The following ARHGAP23 variants were observed in gnomAD, a reference collection of about 807,000 sequenced individuals.
ARHGAP23 encodes the protein Rho GTPase activating protein 23.
A neutral mutation model predicts 136.3 loss-of-function variants in ARHGAP23; 34 were observed. The observed-to-expected ratio is 0.25, with a 90% CI of 0.19 to 0.33. The LOEUF is 0.33. Ranked by LOEUF, ARHGAP23 falls within the 10% of genes least tolerant of loss-of-function variation. The pLI, the probability that ARHGAP23 is intolerant of heterozygous loss-of-function variation, is 1.00. For synonymous variants in ARHGAP23, 832 were observed against 920.5 expected, an observed-to-expected ratio of 0.90 and a Z score of 1.74; for missense variants, 1,808 against 2,139.0, an observed-to-expected ratio of 0.85 and a Z score of 3.05.
intron 1 of ARHGAP23, among the ~76,000 whole-genome samples, chr17:38,438,042 G>T (rs1483002184): frequency 6.6e-6 from 1 of 152,204 alleles, no homozygotes; most frequent in African/African-American, 2.4e-5. Flanking sequence ...GTTTGCTAGG[G>T]CCAGGCACGG....
intron 23 of ARHGAP23, among the ~76,000 whole-genome samples, chr17:38,504,474 C>T (rs1173546051): frequency 6.6e-6 from 1 of 152,198 alleles, no homozygotes; most frequent in Non-Finnish European, 1.5e-5. Flanking sequence ...AGGCTGTGAG[C>T]TCTGAGGGTG....
At position 38,510,371 on chromosome 17, in the gene ARHGAP23, C is replaced by A. The variant is rs1370612963; in HGVS notation, c.3875C>A (p.Ala1292Glu). Residue 1292 changes from alanine (A) to glutamate (E), a missense_variant, in exon 24 of 24, where the codon GCG (alanine) becomes GAG (glutamate). Coordinates refer to ENST00000622683, the MANE Select transcript of ARHGAP23 (RefSeq NM_001199417.2). This position sits in a 1 kb window ranked among gnomAD's most constrained non-coding sequence, Gnocchi z 4.6. ...LSHVETDTEG[A>E]AGAGPGGRLT... is the part of the protein sequence containing the mutation. ...CACGTGGAGACGGACACTGAGGGCG[C>A]GGCGGGCGCGGGGCCTGGGGGGCGC... is the stretch of plus-strand genomic sequence containing the variant. The A allele has an allele frequency of 8.0e-7, 1 of 1,246,948 alleles. No homozygotes were observed. Among genetic ancestry groups the A allele is most frequent in the Non-Finnish European group, 1.0e-6 (1 of 996,462 alleles). 77.2% of individuals were successfully genotyped at this position (1,246,948 alleles called of 1,614,324 possible).
chr17:38,420,378 C>A (rs2038508648), intron 1 of ARHGAP23, among the ~76,000 whole-genome samples: 1 of 152,212 alleles, frequency 6.6e-6, no homozygotes, highest in Admixed American at 6.5e-5. Context: ...ATTTGGGACA[C>A]ACCTTTCAGT....
upstream of ARHGAP23, among the ~76,000 whole-genome samples, chr17:38,428,227 G>C (rs1222721718): frequency 2.0e-5 from 3 of 152,174 alleles, no homozygotes; most frequent in South Asian, 2.1e-4. Flanking sequence ...TCTTCGCCAG[G>C]CTGGGCTCTG....
At chr17:38,436,162 C>T (rs12949691) in intron 1 of ARHGAP23, among the ~76,000 whole-genome samples, 37,368 of 151,920 alleles carry the variant, frequency 0.25, 5,107 homozygotes, top group East Asian at 0.39. Flanking sequence ...AGGAGATGGT[C>T]GGGGGGATGT....
At chr17:38,507,630 G>A (rs1409669535) in intron 23 of ARHGAP23, among the ~76,000 whole-genome samples, 1 of 152,154 alleles carries the variant, frequency 6.6e-6, no homozygotes, top group East Asian at 1.9e-4. Flanking sequence ...GATCCTAGCG[G>A]CCTCTTAAGT....
In ARHGAP23 at chr17:38,437,280, C is replaced by T. The variant is rs573556815; in HGVS notation, c.63+8732C>T. 5.3e-5 allele frequency among the ~76,000 whole-genome samples: 8 copies of T among 151,520 alleles called. No individual in the cohort carries two copies. In the East Asian group the frequency reaches 1.6e-3, roughly 30 times the overall value. On this transcript the variant is annotated intron_variant, in intron 1 of 23. Transcript: ENST00000622683. The stretch of plus-strand genomic sequence containing the variant: ...GAGTGCAGTGGCACAATCAGGCACA[C>T]ACCACCATGCTTGGCTAATTTTTTT...
intron 1 of ARHGAP23, among the ~76,000 whole-genome samples, chr17:38,448,886 C>G (rs1323034981): frequency 7.1e-6 from 1 of 140,880 alleles, no homozygotes; most frequent in East Asian, 2.0e-4. Context: ...GAGACCGGGT[C>G]TCACACTGCA....
At chr17:38,426,675 G>T (rs529022271), upstream of ARHGAP23, among the ~76,000 whole-genome samples, 2 of 152,166 alleles carry the variant, frequency 1.3e-5, no homozygotes, top group South Asian at 4.2e-4. Flanking sequence ...GATGAGGAAG[G>T]GAGAGGAGTC....
intron 1 of ARHGAP23, chr17:38,457,269 C>T (rs1370259725): frequency 6.5e-6 from 1 of 152,772 alleles, no homozygotes; most frequent in African/African-American, 2.4e-5. Flanking sequence ...CCAGCCACCC[C>T]AAGCCTTTCT....
At chr17:38,502,643 G>A (rs138713021) in intron 23 of ARHGAP23, among the ~76,000 whole-genome samples, 20 of 152,330 alleles carry the variant, frequency 1.3e-4, no homozygotes, top group African/African-American at 4.1e-4. Context: ...AATAAAGTGA[G>A]GGAGGGAAAA....
intron 20 of ARHGAP23, among the ~76,000 whole-genome samples, chr17:38,496,086 T>C (rs2144773793): frequency 6.6e-6 from 1 of 152,120 alleles, no homozygotes; most frequent in African/African-American, 2.4e-5. Context: ...TTAGTAGAGA[T>C]GGGGTTTCAC....
chr17:38,470,019 C>G (rs1597801958), intron 10 of ARHGAP23, 115 bp downstream of exon 10: 1 of 1,283,342 alleles, frequency 7.8e-7, no homozygotes, highest in East Asian at 2.5e-5. Context: ...TCCTGCCTTC[C>G]TCCTCCTCCC....
chr17:38,435,742 G>A (rs1393788343), intron 1 of ARHGAP23, among the ~76,000 whole-genome samples: 1 of 152,176 alleles, frequency 6.6e-6, no homozygotes. Context: ...GGGATTACAG[G>A]CGCCCTCTAC....
intron 11 of ARHGAP23, among the ~76,000 whole-genome samples, chr17:38,474,759 G>GA (rs1442842835): frequency 6.6e-6 from 1 of 152,112 alleles, no homozygotes; most frequent in Non-Finnish European, 1.5e-5. Flanking sequence ...GAGAGAAGTG[G>GA]GGGGGCCGGG....
At chr17:38,426,647 A>G (rs964165589), upstream of ARHGAP23, among the ~76,000 whole-genome samples, 10 of 152,162 alleles carry the variant, frequency 6.6e-5, no homozygotes, top group Non-Finnish European at 1.5e-4. Flanking sequence ...CTGGCTGCAC[A>G]TGACCTTGAT....
chr17:38,484,578 G>A (rs894768435), intron 16 of ARHGAP23, among the ~76,000 whole-genome samples: 2 of 151,978 alleles, frequency 1.3e-5, no homozygotes, highest in African/African-American at 4.8e-5. Context: ...ACTTCACTCT[G>A]GAGGAACCAG....
rs2040734379 is a variant in ARHGAP23 at position 38,510,480 on chromosome 17, A to G, written c.3984A>G (p.Pro1328=). 5 of 1,189,686 alleles carry G rather than the reference A, an allele frequency of 4.2e-6. No homozygotes were observed. In the Middle Eastern group the frequency reaches 1.0e-3, roughly 240 times the overall value. The allele number at this position is 1,189,686 out of a possible 1,614,324, so 73.7% of individuals were successfully genotyped here. Residue 1328 remains proline, a synonymous_variant, in exon 24 of 24, where the codon CCA becomes CCG. Transcript: ENST00000622683. This position sits in a 1 kb window ranked among gnomAD's most constrained non-coding sequence, Gnocchi z 4.6. ...GCCGCCGCCTGGCCCGGGGCCGCCC[A>G]GACGGCGAGGGCGCGGGCCGGGGCG... ...LARRRLARGR[P]DGEGAGRGGP...
At chr17:38,494,234 A>G (rs1170700408) in intron 20 of ARHGAP23, among the ~76,000 whole-genome samples, 1 of 152,192 alleles carries the variant, frequency 6.6e-6, no homozygotes, top group Non-Finnish European at 1.5e-5. Flanking sequence ...CTCAGTCTCC[A>G]CACCTGTAAA....
Sources: allele counts gnomAD v4.1 joint callset (sites outside exome capture counted in the v4.1 genomes callset), GRCh38; gene constraint gnomAD v4.1.1; non-coding constraint Gnocchi (gnomAD v3.1); transcripts MANE v1.5; gene names NCBI Gene and HGNC (gene_info 2026-07-23, HGNC 2026-07-21).